PRLR: variants seen among roughly 807,000 people sequenced by gnomAD.
PRLR encodes prolactin receptor, also known as hPRL receptor.
In PRLR, 13 loss-of-function variants were observed where a neutral mutation model predicts 40.2. The observed-to-expected ratio is 0.32, with a 90% confidence interval of 0.21 to 0.51. The LOEUF is 0.51. PRLR is among the 20% of genes least tolerant of loss of function. PRLR has a pLI of 0.97. For synonymous variants in PRLR, 269 were observed against 278.7 expected, an observed-to-expected ratio of 0.97 and a Z score of 0.35; for missense variants, 656 against 747.3, an observed-to-expected ratio of 0.88 and a Z score of 1.42.
At chr5:35,055,329 G>A (rs1768655887), downstream of PRLR, among the ~76,000 whole-genome samples, 1 of 152,104 alleles carries the variant, frequency 6.6e-6, no homozygotes, top group Non-Finnish European at 1.5e-5. Context: ...CCCAGGAGAA[G>A]TTCCAAGAAA....
At chr5:35,085,917 A>G (rs1020479853) in intron 4 of PRLR, among the ~76,000 whole-genome samples, 1 of 152,118 alleles carries the variant, frequency 6.6e-6, no homozygotes, top group Admixed American at 6.5e-5. Flanking sequence ...GCAAGTGATG[A>G]AGTCTCAGGG....
chr5:35,176,789 C>G (rs1055391649), intron 1 of PRLR, among the ~76,000 whole-genome samples: 1 of 152,194 alleles, frequency 6.6e-6, no homozygotes, highest in Non-Finnish European at 1.5e-5. Context: ...TGACCGTCCC[C>G]CAGCCCGACA....
chr5:35,229,264 T>G (rs975262621), intron 1 of PRLR, among the ~76,000 whole-genome samples: 1 of 151,868 alleles, frequency 6.6e-6, no homozygotes, highest in Non-Finnish European at 1.5e-5. Flanking sequence ...CCTGGTCAAG[T>G]GAAGCACGAT....
At chr5:35,160,075 C>T (rs1382514091) in intron 1 of PRLR, among the ~76,000 whole-genome samples, 1 of 152,218 alleles carries the variant, frequency 6.6e-6, no homozygotes, top group Non-Finnish European at 1.5e-5. Context: ...TCAATTCTCT[C>T]ATGGGCTCAG....
intron 1 of PRLR, among the ~76,000 whole-genome samples, chr5:35,139,842 C>T (rs1773965299): frequency 1.3e-5 from 2 of 152,100 alleles, no homozygotes; most frequent in Non-Finnish European, 2.9e-5. Context: ...TTAGGATAAA[C>T]TTGCATCTCA....
chr5:35,113,804 G>T (rs1772847380), intron 2 of PRLR, among the ~76,000 whole-genome samples: 2 of 152,226 alleles, frequency 1.3e-5, no homozygotes, highest in Admixed American at 1.3e-4. Flanking sequence ...AGGAGGGGTT[G>T]CCTGGGGAGG....
chr5:35,190,940 CA>C (rs1775583271), intron 1 of PRLR, among the ~76,000 whole-genome samples: 2 of 151,758 alleles, frequency 1.3e-5, no homozygotes, highest in African/African-American at 4.8e-5. Context: ...GAGCTTTTAT[CA>C]GGAGGAAATA....
At chr5:35,218,136 C>A (rs1370823655) in intron 1 of PRLR, among the ~76,000 whole-genome samples, 1 of 152,182 alleles carries the variant, frequency 6.6e-6, no homozygotes. Context: ...CCACTGCAAT[C>A]TTCCAAAATT....
At chr5:35,125,612 G>A (rs1773431336) in intron 1 of PRLR, among the ~76,000 whole-genome samples, 1 of 152,108 alleles carries the variant, frequency 6.6e-6, no homozygotes, top group African/African-American at 2.4e-5. Flanking sequence ...GGTTCTTTAA[G>A]CATTTGAAGC....
chr5:35,189,474 G>C (rs1242165884), intron 1 of PRLR, among the ~76,000 whole-genome samples: 2 of 152,042 alleles, frequency 1.3e-5, no homozygotes, highest in African/African-American at 4.8e-5. Context: ...CCAGCTACTA[G>C]GGAGGCTGAG....
intron 2 of PRLR, among the ~76,000 whole-genome samples, chr5:35,116,646 A>G (rs1241957798): frequency 6.6e-6 from 1 of 152,096 alleles, no homozygotes; most frequent in African/African-American, 2.4e-5. Flanking sequence ...GGCATTTGGC[A>G]TGAAGGGGTA....
At chr5:35,181,017 T>C (rs892710518) in intron 1 of PRLR, among the ~76,000 whole-genome samples, 1 of 152,210 alleles carries the variant, frequency 6.6e-6, no homozygotes, top group African/African-American at 2.4e-5. Flanking sequence ...TTGTACATAG[T>C]AGGTATTTAA....
chr5:35,161,773 G>C (rs1341446572), intron 1 of PRLR, among the ~76,000 whole-genome samples: 3 of 152,226 alleles, frequency 2.0e-5, no homozygotes, highest in African/African-American at 4.8e-5. Context: ...TTTTGGATCG[G>C]CTAATGAAGA....
chr5:35,154,419 TTATC>T (rs150283212), intron 1 of PRLR, among the ~76,000 whole-genome samples: 14 of 152,370 alleles, frequency 9.2e-5, no homozygotes, highest in Non-Finnish European at 1.3e-4. Context: ...ATTTTTTAAC[TTATC>T]TATTTATGTA....
chr5:35,189,572 C>T (rs1439708138), intron 1 of PRLR, among the ~76,000 whole-genome samples: 6 of 77,716 alleles, frequency 7.7e-5, no homozygotes, highest in Non-Finnish European at 1.3e-4. Flanking sequence ...CAGAGAGAAA[C>T]TCCGTTTAAA....
intron 1 of PRLR, among the ~76,000 whole-genome samples, chr5:35,169,607 G>C (rs1269085714): frequency 6.6e-6 from 1 of 152,124 alleles, no homozygotes; most frequent in Non-Finnish European, 1.5e-5. Flanking sequence ...TGCAATCTTG[G>C]GAGTCTGTGT....
chr5:35,142,279 G>A (rs1030990601), intron 1 of PRLR, among the ~76,000 whole-genome samples: 3 of 152,180 alleles, frequency 2.0e-5, no homozygotes, highest in South Asian at 2.1e-4. Flanking sequence ...TTCTGAAATG[G>A]ACTTTTCAGG....
At chr5:35,083,439 C>CGT (rs1215464175) in intron 5 of PRLR, among the ~76,000 whole-genome samples, 107 of 133,482 alleles carry the variant, frequency 8.0e-4, no homozygotes, top group African/African-American at 3.7e-3. Flanking sequence ...TCTCTCTCTT[C>CGT]CTCTCTCTCT....
chr5:35,123,518 A>G (rs544114942), intron 1 of PRLR, among the ~76,000 whole-genome samples: 1 of 152,304 alleles, frequency 6.6e-6, no homozygotes, highest in Admixed American at 6.5e-5. Context: ...TGGGCACCTA[A>G]TACATGTTGG....
Sources: gnomAD v4.1 joint callset for allele counts (sites outside exome capture counted in the v4.1 genomes callset) on GRCh38, gnomAD v4.1.1 for gene constraint, MANE v1.5 for transcripts, NCBI Gene and HGNC (gene_info 2026-07-23, HGNC 2026-07-21) for gene names.